The following CFAP97 variants were observed in gnomAD, a reference collection of about 807,000 sequenced individuals.
CFAP97 encodes cilia and flagella associated protein 97.
A neutral mutation model predicts 43.1 loss-of-function variants in CFAP97; 36 were observed. The ratio of observed to expected loss-of-function variants is 0.84; its 90% CI spans 0.64 to 1.10. CFAP97 has a LOEUF of 1.10. Among genes scored for constraint, CFAP97 ranks in the 50% least tolerant of loss-of-function variants. The pLI is 0.00. For missense variants in CFAP97, 657 were observed against 620.3 expected (o/e 1.06, Z -0.63); for synonymous variants, 228 against 225.7 (o/e 1.01, Z -0.09).
intron 3 of CFAP97, among the ~76,000 whole-genome samples, chr4:185,170,734 T>C (rs962886409): frequency 4.0e-5 from 6 of 151,142 alleles, no homozygotes; most frequent in Admixed American, 4.0e-4. Flanking sequence ...CCTGTAATCC[T>C]AGTACTTTGA....
In CFAP97 at chr4:185,169,641, A is replaced by C. The variant is rs1310172963; in HGVS notation, c.1321-5462T>G. On this transcript the variant is annotated intron_variant, in intron 3 of 4. Transcript: ENST00000458385. ...AAAAATTAACCTAGCCCATCTTTTG[A>C]TGTTTAAACAAATGTAAACAAATAA... 1.3e-5 allele frequency: 13 copies of C among 984,944 alleles called. No homozygotes were observed. The Admixed American group carries it at 8.0e-4, about 61-fold the overall frequency. 61.0% of individuals were successfully genotyped at this position (984,944 alleles called of 1,614,324 possible).
intron 3 of CFAP97, among the ~76,000 whole-genome samples, chr4:185,167,892 C>T (rs952358466): frequency 1.3e-5 from 2 of 150,054 alleles, no homozygotes; most frequent in Admixed American, 1.3e-4. Context: ...CCAGCTACTC[C>T]GGAGGCTGAG....
chr4:185,192,971 A>C (rs2111399110), intron 1 of CFAP97, among the ~76,000 whole-genome samples: 1 of 152,012 alleles, frequency 6.6e-6, no homozygotes, highest in East Asian at 1.9e-4. Context: ...GGATCTCCTG[A>C]CCTTGTGATC....
chr4:185,175,145 C>T (rs1391159131), intron 3 of CFAP97, among the ~76,000 whole-genome samples: 1 of 152,092 alleles, frequency 6.6e-6, no homozygotes, highest in African/African-American at 2.4e-5. Flanking sequence ...ACAGAAGAAA[C>T]ACTTGGATAC....
At chr4:185,169,687 G>A in intron 3 of CFAP97, 1 of 985,430 alleles carries the variant, frequency 1.0e-6, no homozygotes, top group South Asian at 4.7e-5. Context: ...GATTTCTGCA[G>A]CCGTTAGCAG....
intron 1 of CFAP97, among the ~76,000 whole-genome samples, chr4:185,197,856 G>A (rs1263771037): frequency 1.3e-5 from 2 of 152,198 alleles, no homozygotes; most frequent in Non-Finnish European, 2.9e-5. Flanking sequence ...CAGGCCAAAA[G>A]CTAGGCCTCT....
chr4:185,185,913 G>A (rs190068181), intron 2 of CFAP97, among the ~76,000 whole-genome samples: 14 of 152,144 alleles, frequency 9.2e-5, no homozygotes, highest in African/African-American at 3.1e-4. Context: ...GTGCTGGGAT[G>A]ACAGGCGTAG....
chr4:185,190,923 A>G lies in CFAP97; in HGVS notation c.274T>C (p.Phe92Leu). 1 of 1,613,814 alleles carries G rather than the reference A, an allele frequency of 6.2e-7. No individual in the cohort carries two copies. The highest frequency in any genetic ancestry group is 1.7e-5 in the Admixed American group (1 of 59,996). The change falls in exon 2 of 5, where the codon TTC becomes CTC. Residue 92 changes from phenylalanine (F) to leucine (L), a missense_variant. Phe to Leu is a conservative substitution (Grantham distance 22). Coordinates refer to ENST00000458385, the MANE Select transcript of CFAP97 (RefSeq NM_020827.3). ...GATCTTGAAGAGGCTGGCAATGAGA[A>G]AGAACTTACAGTTTGTGTAACATCA... ...ENDVTQTVSS[F>L]SLPASSRSKK...
At chr4:185,171,933 A>G (rs1252818721) in intron 3 of CFAP97, among the ~76,000 whole-genome samples, 1 of 152,150 alleles carries the variant, frequency 6.6e-6, no homozygotes, top group African/African-American at 2.4e-5. Flanking sequence ...ATGGAATCTC[A>G]CCATGTTGCT....
intron 2 of CFAP97, among the ~76,000 whole-genome samples, chr4:185,177,645 G>C (rs764047522): frequency 2.0e-5 from 3 of 152,016 alleles, no homozygotes; most frequent in Non-Finnish European, 4.4e-5. Context: ...GACCAGCCTG[G>C]CCAACATGGC....
At chr4:185,209,705 G>A (rs1737435685), upstream of CFAP97, 2 of 981,490 alleles carry the variant, frequency 2.0e-6, no homozygotes, top group Non-Finnish European at 2.4e-6. This position sits in a 1 kb window ranked among gnomAD's most constrained non-coding sequence, Gnocchi z 5.2. Context: ...CGGCGTCTGC[G>A]GGGGCCGCTC....
At chr4:185,173,270 G>A (rs1341086037) in intron 3 of CFAP97, among the ~76,000 whole-genome samples, 2 of 151,510 alleles carry the variant, frequency 1.3e-5, no homozygotes, top group Non-Finnish European at 2.9e-5. Flanking sequence ...GGCTGAGGCA[G>A]GAGAATCGCT....
upstream of CFAP97, among the ~76,000 whole-genome samples, chr4:185,208,296 G>C (rs111986764): frequency 2.0e-5 from 3 of 151,982 alleles, 1 homozygote; most frequent in African/African-American, 7.2e-5. Context: ...GATTACAGGC[G>C]TGAGCCACCG....
chr4:185,170,517 C>T (rs1453407514), intron 3 of CFAP97, among the ~76,000 whole-genome samples: 1 of 151,832 alleles, frequency 6.6e-6, no homozygotes, highest in Non-Finnish European at 1.5e-5. Context: ...CTGCCTCAGC[C>T]TCCTGAGTAG....
Position 185,164,195 on chromosome 4 carries a change from T to C in CFAP97, c.1321-16A>G, listed in dbSNP as rs199986721. On this transcript the variant is annotated splice_polypyrimidine_tract_variant and intron_variant, in intron 3 of 4. Coordinates refer to ENST00000458385, the MANE Select transcript of CFAP97 (RefSeq NM_020827.3). ...TCAATAAAGCCTTCAATAAAGACAA[T>C]TAATTTGAAAGGCAAGGTTAAACAG... 3,691 of 1,611,788 alleles carry C rather than the reference T, an allele frequency of 2.3e-3. 6 individuals carry two copies. The highest frequency in any genetic ancestry group is 2.9e-3 in the Non-Finnish European group (3,462 of 1,178,714).
In CFAP97 at chr4:185,199,820, C is replaced by T. The variant is rs985148344; in HGVS notation, c.-17+4078G>A. Among the ~76,000 whole-genome samples the T allele has an allele frequency of 2.9e-5, 4 of 137,026 alleles. No homozygotes were observed. The South Asian group carries it at 7.6e-4, about 26-fold the overall frequency. 89.9% of individuals were successfully genotyped at this position (137,026 alleles called of 152,430 possible). A position where few individuals can be genotyped will look rare whatever the true frequency, so the allele number is the denominator to read the frequency against. On this transcript the variant is annotated intron_variant, in intron 1 of 4. Coordinates refer to ENST00000458385, the MANE Select transcript of CFAP97 (RefSeq NM_020827.3). ...TATGTTTTAAGCCCACTGTTGAGAT[C>T]GACTGCTCAGACAAAAAATTCAAAA...
At chr4:185,184,328 G>A (rs1735921467) in intron 2 of CFAP97, among the ~76,000 whole-genome samples, 1 of 152,202 alleles carries the variant, frequency 6.6e-6, no homozygotes, top group Admixed American at 6.5e-5. Flanking sequence ...ACAGATCCCT[G>A]ACTTCCAGGG....
intron 2 of CFAP97, among the ~76,000 whole-genome samples, chr4:185,178,388 C>T (rs1423806674): frequency 3.3e-5 from 5 of 151,712 alleles, no homozygotes; most frequent in African/African-American, 1.2e-4. Context: ...GCTGGGATTA[C>T]AGGCGCCCAC....
At chr4:185,169,634 T>C (rs1735215264) in intron 3 of CFAP97, 4 of 985,084 alleles carry the variant, frequency 4.1e-6, no homozygotes, top group Non-Finnish European at 4.8e-6. Context: ...ACCTAGCCCA[T>C]CTTTTGATGT....
Sources: gnomAD v4.1 joint callset for allele counts (sites outside exome capture counted in the v4.1 genomes callset) on GRCh38, gnomAD v4.1.1 for gene constraint, Gnocchi (gnomAD v3.1) non-coding constraint, MANE v1.5 for transcripts, NCBI Gene and HGNC (gene_info 2026-07-23, HGNC 2026-07-21) for gene names.